Variants in WDR72 observed in about 807,000 individuals in gnomAD.
The protein encoded by WDR72 is WD repeat-containing protein 72.
Under a neutral mutation model 124.2 loss-of-function variants are expected in WDR72, and 120 were observed. The observed-to-expected ratio is 0.97, with a 90% CI of 0.83 to 1.12. WDR72 has a LOEUF of 1.12. WDR72 is among the 50% of genes most tolerant of loss of function. The probability of loss-of-function intolerance (pLI) is 0.00; values close to 1 mark genes in which losing one functional copy is unlikely to be tolerated. For synonymous variants in WDR72, 452 were observed against 441.7 expected, an observed-to-expected ratio of 1.02 and a Z score of -0.29; for missense variants, 1,387 against 1,278.8, an observed-to-expected ratio of 1.08 and a Z score of -1.29.
intron 18 of WDR72, among the ~76,000 whole-genome samples, chr15:53,524,970 A>G (rs768893607): frequency 6.6e-6 from 1 of 152,042 alleles, no homozygotes; most frequent in Non-Finnish European, 1.5e-5. Flanking sequence ...GCTTTCAATT[A>G]TCTTTTCAAT....
intron 18 of WDR72, among the ~76,000 whole-genome samples, chr15:53,531,246 A>T (rs896580072): frequency 7.2e-5 from 11 of 152,152 alleles, no homozygotes; most frequent in African/African-American, 2.2e-4. Flanking sequence ...TTGAGATTGA[A>T]CGAAAGACAT....
At chr15:53,528,701 CTATT>C (rs1892258768) in intron 18 of WDR72, among the ~76,000 whole-genome samples, 1 of 151,846 alleles carries the variant, frequency 6.6e-6, no homozygotes, top group African/African-American at 2.4e-5. Flanking sequence ...AAATTATTGA[CTATT>C]TAGGCTTAGG....
intron 18 of WDR72, among the ~76,000 whole-genome samples, chr15:53,547,902 G>T (rs1893551085): frequency 6.6e-6 from 1 of 152,002 alleles, no homozygotes; most frequent in Non-Finnish European, 1.5e-5. Context: ...GAAAACTAGG[G>T]TGCTCTCATG....
intron 18 of WDR72, among the ~76,000 whole-genome samples, chr15:53,529,562 A>C (rs902821798): frequency 2.5e-4 from 38 of 152,142 alleles, no homozygotes; most frequent in African/African-American, 8.4e-4. Context: ...GAATTAAGGA[A>C]GATTGGCATT....
chr15:53,730,682 G>T (rs931122335), intron 2 of WDR72, among the ~76,000 whole-genome samples: 1 of 151,968 alleles, frequency 6.6e-6, no homozygotes, highest in Non-Finnish European at 1.5e-5. Context: ...GCTGCCCTAC[G>T]GTGACTCAGT....
intron 1 of WDR72, among the ~76,000 whole-genome samples, chr15:53,735,823 A>G (rs2018337604): frequency 2.0e-5 from 3 of 152,208 alleles, no homozygotes; most frequent in East Asian, 1.9e-4. Context: ...AATATAATAA[A>G]TTATTATAAA....
intron 18 of WDR72, among the ~76,000 whole-genome samples, chr15:53,554,266 A>G (rs1017811379): frequency 2.0e-5 from 3 of 152,132 alleles, no homozygotes; most frequent in African/African-American, 7.2e-5. Flanking sequence ...CTCTACTTGT[A>G]GTAATATCAC....
At chr15:53,564,977 A>G (rs1232550663) in intron 18 of WDR72, among the ~76,000 whole-genome samples, 2 of 151,896 alleles carry the variant, frequency 1.3e-5, no homozygotes, top group Admixed American at 6.6e-5. Context: ...TCTAATGCAG[A>G]TAGTCCATGA....
At chr15:53,657,822 T>G (rs1229986665) in intron 14 of WDR72, among the ~76,000 whole-genome samples, 1 of 152,164 alleles carries the variant, frequency 6.6e-6, no homozygotes, top group Non-Finnish European at 1.5e-5. Context: ...CTATCAGCAA[T>G]TATAAAAACA....
chr15:53,757,642 A>AC (rs1329708742), intron 1 of WDR72, among the ~76,000 whole-genome samples: 9 of 128,198 alleles, frequency 7.0e-5, no homozygotes, highest in East Asian at 2.5e-4. Flanking sequence ...AACAACAACA[A>AC]AAAATTAAAA....
intron 13 of WDR72, among the ~76,000 whole-genome samples, chr15:53,686,945 C>A (rs1157279879): frequency 6.6e-6 from 1 of 151,584 alleles, no homozygotes; most frequent in Admixed American, 6.6e-5. Flanking sequence ...ACTGAACAAC[C>A]TGCTCCTGAA....
intron 14 of WDR72, among the ~76,000 whole-genome samples, chr15:53,629,388 C>T (rs957916392): frequency 6.6e-6 from 1 of 151,444 alleles, no homozygotes. Flanking sequence ...AAAATCAGTG[C>T]CACAGAAGGG....
At chr15:53,718,013 TAAAG>T (rs796111936) in intron 3 of WDR72, among the ~76,000 whole-genome samples, 9 of 152,216 alleles carry the variant, frequency 5.9e-5, no homozygotes, top group African/African-American at 2.2e-4. Flanking sequence ...ATCTATAAAA[TAAAG>T]AAACATATTG....
chr15:53,591,174 A>G (rs2012473429), intron 18 of WDR72, among the ~76,000 whole-genome samples: 1 of 152,004 alleles, frequency 6.6e-6, no homozygotes, highest in Non-Finnish European at 1.5e-5. Flanking sequence ...AGACTATGTT[A>G]GGCACCTCTT....
intron 18 of WDR72, among the ~76,000 whole-genome samples, chr15:53,527,336 T>C (rs1244810957): frequency 6.6e-6 from 1 of 152,002 alleles, no homozygotes; most frequent in African/African-American, 2.4e-5. Context: ...TGCAGAAAGA[T>C]GGTATTAGCT....
At chr15:53,733,803 A>G (rs1159838608) in intron 1 of WDR72, among the ~76,000 whole-genome samples, 2 of 152,212 alleles carry the variant, frequency 1.3e-5, no homozygotes, top group African/African-American at 2.4e-5. Context: ...AAATGAATAC[A>G]TAAGTATCAA....
intron 14 of WDR72, among the ~76,000 whole-genome samples, chr15:53,652,746 G>C (rs935343021): frequency 6.6e-6 from 1 of 152,076 alleles, no homozygotes; most frequent in African/African-American, 2.4e-5. Flanking sequence ...CAAGTAAATG[G>C]GGTAATAATA....
intron 18 of WDR72, among the ~76,000 whole-genome samples, chr15:53,540,734 G>A (rs753128433): frequency 8.5e-5 from 13 of 152,240 alleles, no homozygotes; most frequent in Non-Finnish European, 1.2e-4. Context: ...CTGAGGTACC[G>A]GGTTCATCTC....
In WDR72 at chr15:53,651,089, C is replaced by T. The variant is rs574823149; in HGVS notation, c.1962+14483G>A. ...CTTTTCAATATTGACTCTTAATGCTCCCTCCCCCATACTCCTCTTGAGTCA... is the reference window on the plus strand; with the variant it reads ...CTTTTCAATATTGACTCTTAATGCTTCCTCCCCCATACTCCTCTTGAGTCA... On this transcript the variant is annotated intron_variant, in intron 14 of 19. Transcript: ENST00000360509. 2.8e-4 allele frequency among the ~76,000 whole-genome samples: 42 copies of T among 152,122 alleles called. 1 individual carries two copies. Among genetic ancestry groups the T allele is most frequent in the African/African-American group, 9.9e-4 (41 of 41,520 alleles).
Sources: allele counts gnomAD v4.1 joint callset (sites outside exome capture counted in the v4.1 genomes callset), GRCh38; gene constraint gnomAD v4.1.1; transcripts MANE v1.5; gene names NCBI Gene and HGNC (gene_info 2026-07-23, HGNC 2026-07-21).